VSTM2L: variants seen among roughly 807,000 people sequenced by gnomAD.
VSTM2L encodes V-set and transmembrane domain-containing protein 2-like protein.
VSTM2L carries 9 observed loss-of-function variants against 19.9 expected under a neutral mutation model. The ratio of observed to expected loss-of-function variants is 0.45; its 90% CI spans 0.27 to 0.79. The LOEUF (loss-of-function observed/expected upper bound fraction) is 0.79. Ranked by LOEUF, VSTM2L falls within the 30% of genes least tolerant of loss-of-function variation. The probability of loss-of-function intolerance (pLI) is 0.15; values close to 1 mark genes in which losing one functional copy is unlikely to be tolerated. For missense variants in VSTM2L, 286 were observed against 295.5 expected (o/e 0.97, Z 0.24); for synonymous variants, 127 against 133.8 (o/e 0.95, Z 0.35).
chr20:37,915,743 G>C (rs2072814754), intron 1 of VSTM2L, among the ~76,000 whole-genome samples: 1 of 152,020 alleles, frequency 6.6e-6, no homozygotes, highest in Non-Finnish European at 1.5e-5. Flanking sequence ...GCTGGGGCTG[G>C]GGCATGTACT....
intron 1 of VSTM2L, among the ~76,000 whole-genome samples, 178 bp from the exon 2 acceptor site, chr20:37,931,457 C>T (rs544529886): frequency 6.6e-6 from 1 of 152,166 alleles, no homozygotes; most frequent in Non-Finnish European, 1.5e-5. Flanking sequence ...CCTTGCTGAG[C>T]TTCTTGGGTG....
chr20:37,933,291 G>A (rs2072920993), intron 2 of VSTM2L, among the ~76,000 whole-genome samples: 1 of 152,152 alleles, frequency 6.6e-6, no homozygotes, highest in African/African-American at 2.4e-5. Context: ...GTATCTAAAT[G>A]CACAAATGTG....
chr20:37,919,261 A>C (rs2072837012), intron 1 of VSTM2L, among the ~76,000 whole-genome samples: 1 of 152,210 alleles, frequency 6.6e-6, no homozygotes, highest in Non-Finnish European at 1.5e-5. Flanking sequence ...TTGGCTTCTT[A>C]GGAAGAAAGC....
At chr20:37,919,157 A>G (rs1018477900) in intron 1 of VSTM2L, among the ~76,000 whole-genome samples, 12 of 152,148 alleles carry the variant, frequency 7.9e-5, no homozygotes, top group African/African-American at 2.7e-4. Context: ...ATTCCTTTTG[A>G]GGGAGGACTT....
chr20:37,944,952 C>T lies in VSTM2L; in HGVS notation c.*699C>T, dbSNP rs1190935123. On this transcript the variant is annotated 3_prime_UTR_variant, in exon 4 of 4. Coordinates refer to ENST00000373461, the MANE Select transcript of VSTM2L (RefSeq NM_080607.3). ...AAGGGAGGGGCCTTTCCCTCGGACC[C>T]ATGGCCCCAGGCAGAGTTTTGCACC... is the stretch of plus-strand genomic sequence containing the variant. The T allele has an allele frequency of 3.0e-6, 3 of 985,828 alleles. No individual in the cohort carries two copies. Among genetic ancestry groups the T allele is most frequent in the East Asian group, 2.3e-4 (2 of 8,772 alleles). 61.1% of individuals were successfully genotyped at this position (985,828 alleles called of 1,614,324 possible).
At chr20:37,908,324 C>A (rs775306038) in intron 1 of VSTM2L, among the ~76,000 whole-genome samples, 4 of 152,114 alleles carry the variant, frequency 2.6e-5, no homozygotes, top group Non-Finnish European at 2.9e-5. Context: ...GGTAAGTGAC[C>A]CCTTCTGATC....
chr20:37,914,077 G>T (rs1440074133), intron 1 of VSTM2L, among the ~76,000 whole-genome samples: 1 of 152,078 alleles, frequency 6.6e-6, no homozygotes. Flanking sequence ...CCGGTATCCA[G>T]GGAGGGTGGG....
intron 1 of VSTM2L, among the ~76,000 whole-genome samples, chr20:37,920,679 C>T (rs924605430): frequency 6.6e-6 from 1 of 152,222 alleles, no homozygotes; most frequent in African/African-American, 2.4e-5. Flanking sequence ...TAGGACCTCC[C>T]TGCTTATGCA....
intron 1 of VSTM2L, among the ~76,000 whole-genome samples, chr20:37,908,915 G>A (rs1329019277): frequency 6.6e-6 from 1 of 152,204 alleles, no homozygotes; most frequent in African/African-American, 2.4e-5. Flanking sequence ...CAATTCTAAC[G>A]AGAACTCCAA....
intron 1 of VSTM2L, among the ~76,000 whole-genome samples, chr20:37,928,311 A>G (rs1012629146): frequency 2.0e-5 from 3 of 152,108 alleles, no homozygotes; most frequent in African/African-American, 4.8e-5. Flanking sequence ...GCTCCTCACT[A>G]TCTCCTTGTG....
At chr20:37,914,193 G>A (rs539112282) in intron 1 of VSTM2L, among the ~76,000 whole-genome samples, 1 of 150,132 alleles carries the variant, frequency 6.7e-6, no homozygotes, top group African/African-American at 2.4e-5. Context: ...TGTATGTGTG[G>A]TGTGTGCATG....
At chr20:37,930,959 G>A (rs1024395492) in intron 1 of VSTM2L, among the ~76,000 whole-genome samples, 5 of 152,178 alleles carry the variant, frequency 3.3e-5, no homozygotes, top group Admixed American at 1.3e-4. Flanking sequence ...AGGACCTTTC[G>A]GGGGGTGACA....
At chr20:37,939,946 AG>A (rs1334139085) in intron 3 of VSTM2L, among the ~76,000 whole-genome samples, 1 of 151,908 alleles carries the variant, frequency 6.6e-6, no homozygotes, top group African/African-American at 2.4e-5. Flanking sequence ...CTCTTGGCAG[AG>A]GGGGTGACAG....
In VSTM2L at chr20:37,944,504, T is replaced by C; in HGVS notation, c.*251T>C. 2 of 1,227,634 alleles carry C rather than the reference T, an allele frequency of 1.6e-6. No homozygotes were observed. Among genetic ancestry groups the C allele is most frequent in the Non-Finnish European group, 2.0e-6 (2 of 988,076 alleles). The allele number at this position is 1,227,634 out of a possible 1,614,324, so 76.0% of individuals were successfully genotyped here. ...CTGGGCACCAAGGGGCCAACCGCCC[T>C]GAACACTGGGGCAGGGACCATGCTG... On this transcript the variant is annotated 3_prime_UTR_variant, in exon 4 of 4. Coordinates refer to ENST00000373461, the MANE Select transcript of VSTM2L (RefSeq NM_080607.3).
chr20:37,936,847 G>A (rs1048255892), intron 3 of VSTM2L, among the ~76,000 whole-genome samples: 4 of 152,118 alleles, frequency 2.6e-5, no homozygotes, highest in Admixed American at 1.3e-4. Context: ...GGTTCCTAGG[G>A]TGGAAACTTG....
intron 1 of VSTM2L, 105 bp downstream of exon 1, chr20:37,903,576 G>A: frequency 7.7e-7 from 1 of 1,304,604 alleles, no homozygotes; most frequent in South Asian, 2.1e-5. Flanking sequence ...CAGTCGTGGC[G>A]GGCATCCCGG....
intron 1 of VSTM2L, among the ~76,000 whole-genome samples, chr20:37,921,775 G>A (rs981151305): frequency 6.6e-6 from 1 of 151,358 alleles, no homozygotes; most frequent in South Asian, 2.1e-4. Context: ...ATGCGGGGAG[G>A]GATATTCTGG....
intron 1 of VSTM2L, among the ~76,000 whole-genome samples, chr20:37,927,612 C>T (rs2072885818): frequency 6.6e-6 from 1 of 152,182 alleles, no homozygotes; most frequent in African/African-American, 2.4e-5. Context: ...GCTGAGTTAC[C>T]CTATACTAGC....
chr20:37,943,937 A>G (rs1316092942), intron 3 of VSTM2L, 44 bp from the exon 4 acceptor site: 2 of 128,130 alleles, frequency 1.6e-5, no homozygotes, highest in Non-Finnish European at 1.2e-5. Context: ...CTTCTCCCCC[A>G]CTGTCACTGG....
Sources: gnomAD v4.1 joint callset for allele counts (sites outside exome capture counted in the v4.1 genomes callset) on GRCh38, gnomAD v4.1.1 for gene constraint, MANE v1.5 for transcripts, NCBI Gene and HGNC (gene_info 2026-07-23, HGNC 2026-07-21) for gene names.